Variants in MTMR8 observed in about 807,000 individuals in gnomAD.
The protein encoded by MTMR8 is phosphatidylinositol-3,5-bisphosphate 3-phosphatase MTMR8.
Under a neutral mutation model 39.3 loss-of-function variants are expected in MTMR8, and 65 were observed. The observed-to-expected ratio is 1.65, with a 90% CI of 1.35 to 2.03. The LOEUF (loss-of-function observed/expected upper bound fraction) is 2.03. MTMR8 is among the 30% of genes most tolerant of loss of function. The pLI, the probability that MTMR8 is intolerant of heterozygous loss-of-function variation, is 0.00. For synonymous variants in MTMR8, 245 were observed against 185.2 expected, an observed-to-expected ratio of 1.32 and a Z score of -2.62; for missense variants, 777 against 538.9, an observed-to-expected ratio of 1.44 and a Z score of -4.37.
intron 12 of MTMR8, among the ~76,000 whole-genome samples, chrX:64,299,673 G>A (rs1921767892): frequency 1.1e-5 from 1 of 90,807 alleles, no homozygotes; most frequent in African/African-American, 4.1e-5. Flanking sequence ...TGTGATGTTA[G>A]GGTGTCAATT....
intron 12 of MTMR8, among the ~76,000 whole-genome samples, chrX:64,299,444 A>G (rs1412498889): frequency 1.9e-5 from 2 of 107,135 alleles, no homozygotes; most frequent in Non-Finnish European, 3.9e-5. Flanking sequence ...ATCATTTTTT[A>G]TTGTGTCTAT....
In MTMR8 at chrX:64,343,650, G is replaced by T; in HGVS notation, c.936C>A (p.His312Gln). Residue 312 changes from histidine (H) to glutamine (Q), a missense_variant, in exon 8 of 14, where the codon CAC (histidine) becomes CAA (glutamine). Physicochemically the swap from His to Gln is conservative, Grantham distance 24. Coordinates refer to ENST00000374852, the MANE Select transcript of MTMR8 (RefSeq NM_017677.4). ...TTCCAGCATCCATAATAGCTTTAAT[G>T]TGTCTTAACCACCCTGAGCTCTCCA... ...SGLESSGWLR[H>Q]IKAIMDAGIF... The T allele has an allele frequency of 8.3e-7, 1 of 1,207,220 alleles. No individual in the cohort carries two copies. The highest frequency in any genetic ancestry group is 1.1e-6 in the Non-Finnish European group (1 of 892,040).
At chrX:64,328,630 G>A (rs780350362) in intron 12 of MTMR8, 142 bp downstream of exon 12, 4 of 498,278 alleles carry the variant, frequency 8.0e-6, no homozygotes, top group Non-Finnish European at 1.1e-5. Flanking sequence ...TTCAGAAGCA[G>A]CAATGTATGG....
chrX:64,348,514 C>T (rs779855896), intron 6 of MTMR8, 146 bp downstream of exon 6: 338 of 755,338 alleles, frequency 4.5e-4, no homozygotes, highest in Non-Finnish European at 5.9e-4. Context: ...CCCCAAATGG[C>T]TTCCTGAAAT....
chrX:64,355,433 C>T (rs1923596529), intron 3 of MTMR8, among the ~76,000 whole-genome samples: 1 of 111,829 alleles, frequency 8.9e-6, no homozygotes, highest in African/African-American at 3.2e-5. Flanking sequence ...TCACGAGATA[C>T]AGCATCCAAT....
At chrX:64,359,046 C>T (rs1011009406) in intron 2 of MTMR8, among the ~76,000 whole-genome samples, 6 of 111,003 alleles carry the variant, frequency 5.4e-5, no homozygotes, top group African/African-American at 2.0e-4. Context: ...TTCCCATACG[C>T]TACAGATGCT....
chrX:64,354,598 T>C (rs1483570395), intron 4 of MTMR8, among the ~76,000 whole-genome samples, 179 bp downstream of exon 4: 2 of 112,038 alleles, frequency 1.8e-5, no homozygotes, highest in East Asian at 5.6e-4. Flanking sequence ...CCATGAGATC[T>C]CTTACTCAGT....
At chrX:64,302,551 A>T (rs1175510669) in intron 12 of MTMR8, among the ~76,000 whole-genome samples, 1 of 112,296 alleles carries the variant, frequency 8.9e-6, no homozygotes, top group African/African-American at 3.2e-5. Context: ...TGGGAGCTGT[A>T]GACCGGAGCT....
intron 1 of MTMR8, among the ~76,000 whole-genome samples, chrX:64,367,789 G>T (rs963879408): frequency 1.8e-5 from 2 of 111,411 alleles, no homozygotes; most frequent in African/African-American, 6.5e-5. Flanking sequence ...GAAATAAAGG[G>T]TATTCAATTA....
At chrX:64,279,910 G>A (rs943891707) in intron 12 of MTMR8, among the ~76,000 whole-genome samples, 14 of 112,051 alleles carry the variant, frequency 1.2e-4, no homozygotes, top group Non-Finnish European at 2.6e-4. Flanking sequence ...ACAAATGGGT[G>A]CTGGGAAAAC....
chrX:64,296,299 C>G (rs959468121), intron 12 of MTMR8, among the ~76,000 whole-genome samples: 1 of 111,047 alleles, frequency 9.0e-6, no homozygotes, highest in African/African-American at 3.3e-5. Flanking sequence ...TAGAGGGCTG[C>G]CAGGGGCTGC....
intron 12 of MTMR8, among the ~76,000 whole-genome samples, chrX:64,295,465 T>A (rs1921543659): frequency 9.0e-6 from 1 of 111,418 alleles, no homozygotes; most frequent in African/African-American, 3.3e-5. Flanking sequence ...AATAAATTGA[T>A]AAACTGTACT....
chrX:64,348,522 A>C, intron 6 of MTMR8, 138 bp downstream of exon 6: 2 of 812,608 alleles, frequency 2.5e-6, no homozygotes, highest in Non-Finnish European at 3.4e-6. Context: ...GGCTTCCTGA[A>C]ATGATTTTAC....
intron 1 of MTMR8, among the ~76,000 whole-genome samples, chrX:64,361,311 G>C (rs1251064379): frequency 9.0e-6 from 1 of 110,991 alleles, no homozygotes; most frequent in East Asian, 2.8e-4. Flanking sequence ...CCAGTCACTG[G>C]AAAAAGAATA....
In MTMR8 at chrX:64,320,935, C is replaced by T. The variant is rs781385021; in HGVS notation, c.1481+7837G>A. On this transcript the variant is annotated intron_variant, in intron 12 of 13. Coordinates refer to ENST00000374852, the MANE Select transcript of MTMR8 (RefSeq NM_017677.4). ...ATTTTTCTGGAATTTAAGGAAATCT[C>T]TGCGAAATCACTATCTGAGAACTAA... Among the ~76,000 whole-genome samples the T allele has an allele frequency of 3.6e-5, 4 of 111,936 alleles. No homozygotes were observed. In the East Asian group the frequency reaches 1.1e-3, roughly 32 times the overall value.
chrX:64,317,054 G>A (rs1335170039), intron 12 of MTMR8, among the ~76,000 whole-genome samples: 1 of 106,142 alleles, frequency 9.4e-6, no homozygotes, highest in East Asian at 2.9e-4. Context: ...AGAGGTTGCA[G>A]TGAGCCGAGA....
At chrX:64,331,794 T>C (rs781636546) in intron 10 of MTMR8, 37 bp from the exon 11 acceptor site, 1 of 1,096,621 alleles carries the variant, frequency 9.1e-7, no homozygotes, top group East Asian at 3.0e-5. Flanking sequence ...AAGACACTAG[T>C]TAGCATTAAG....
chrX:64,289,636 C>CAAAAAAAAAAAAAAAAAAAAAAAAAA lies in MTMR8; in HGVS notation c.1482-18564_1482-18563insTTTTTTTTTTTTTTTTTTTTTTTTTT, dbSNP rs749879321. ...TGGGTGACAGAGTGAGACTCCATCGCAAAAAAAAAAAAAAAAAAAAAAAAA... is the reference window on the plus strand; with the variant it reads ...TGGGTGACAGAGTGAGACTCCATCGCAAAAAAAAAAAAAAAAAAAAAAAAAAAAAAAAAAAAAAAAAAAAAAAAAAA... On this transcript the variant is annotated intron_variant, in intron 12 of 13. Coordinates refer to ENST00000374852, the MANE Select transcript of MTMR8 (RefSeq NM_017677.4). Among the ~76,000 whole-genome samples, 4 of 26,426 alleles carry CAAAAAAAAAAAAAAAAAAAAAAAAAA rather than the reference C, an allele frequency of 1.5e-4. 1 individual carries two copies. Among genetic ancestry groups the CAAAAAAAAAAAAAAAAAAAAAAAAAA allele is most frequent in the African/African-American group, 4.1e-4 (4 of 9,750 alleles). 22.9% of individuals were successfully genotyped at this position (26,426 alleles called of 115,157 possible).
chrX:64,351,461 T>C (rs1045416149), intron 4 of MTMR8, among the ~76,000 whole-genome samples: 1 of 111,426 alleles, frequency 9.0e-6, no homozygotes, highest in Non-Finnish European at 1.9e-5. Flanking sequence ...GCAGGCCTGA[T>C]TGCTACCTGT....
Sources: gnomAD v4.1 joint callset for allele counts (sites outside exome capture counted in the v4.1 genomes callset) on GRCh38, gnomAD v4.1.1 for gene constraint, MANE v1.5 for transcripts, NCBI Gene and HGNC (gene_info 2026-07-23, HGNC 2026-07-21) for gene names.